CKLF: variants seen among roughly 807,000 people sequenced by gnomAD.
CKLF encodes the protein chemokine-like factor.
In CKLF, 16 loss-of-function variants were observed where a neutral mutation model predicts 12.9. That is an observed-to-expected ratio of 1.24 (90% confidence interval 0.84 to 1.88). CKLF has a LOEUF of 1.88. Ranked by LOEUF, CKLF falls within the 40% of genes most tolerant of loss-of-function variation. CKLF has a pLI of 0.00. For missense variants in CKLF, 172 were observed against 188.5 expected, an observed-to-expected ratio of 0.91 and a Z score of 0.51; for synonymous variants, 61 against 69.0, an observed-to-expected ratio of 0.88 and a Z score of 0.57.
intron 1 of CKLF, 104 bp downstream of exon 1, chr16:66,552,897 C>A: frequency 6.5e-7 from 1 of 1,542,718 alleles, no homozygotes; most frequent in Non-Finnish European, 8.9e-7. Context: ...TTCAACCTCG[C>A]TTTGATCAAG....
At chr16:66,558,476 T>C (rs2011537292) in intron 2 of CKLF, 128 bp downstream of exon 2, 7 of 1,319,580 alleles carry the variant, frequency 5.3e-6, no homozygotes, top group Non-Finnish European at 7.1e-6. Context: ...GGAGGAGCTC[T>C]ACCCATTGCT....
intron 2 of CKLF, 56 bp downstream of exon 2, chr16:66,558,404 C>A: frequency 6.4e-7 from 1 of 1,561,802 alleles, no homozygotes. Flanking sequence ...GTGAGATATT[C>A]TAATGAACTC....
At chr16:66,560,840 TTC>T (rs371017399) in intron 2 of CKLF, among the ~76,000 whole-genome samples, 1 of 130,190 alleles carries the variant, frequency 7.7e-6, no homozygotes. Context: ...CACACACACT[TTC>T]TCTCTCTCTC....
At position 66,552,665 on chromosome 16, in the gene CKLF, G is replaced by A. The variant is rs1267261338; in HGVS notation, c.-51G>A. 2 of 1,613,432 alleles carry A rather than the reference G, an allele frequency of 1.2e-6. No individual in the cohort carries two copies. Among genetic ancestry groups the A allele is most frequent in the African/African-American group, 1.3e-5 (1 of 74,948 alleles). On this transcript the variant is annotated 5_prime_UTR_variant, in exon 1 of 4. Transcript: ENST00000264001. Reference sequence around the variant, plus strand: ...TCGCTTCGCAGAACCTACTCAGGCAGCCAGCTGAGAAGAGTTGAGGGAAAG... The same window carrying A: ...TCGCTTCGCAGAACCTACTCAGGCAACCAGCTGAGAAGAGTTGAGGGAAAG...
intron 1 of CKLF, among the ~76,000 whole-genome samples, chr16:66,554,701 T>C (rs2011347702): frequency 1.3e-5 from 2 of 152,160 alleles, no homozygotes; most frequent in South Asian, 4.1e-4. Context: ...GCGTAATGAA[T>C]AGAATTCTAG....
intron 2 of CKLF, among the ~76,000 whole-genome samples, chr16:66,559,180 G>T (rs990302723): frequency 6.6e-6 from 1 of 152,062 alleles, no homozygotes; most frequent in Non-Finnish European, 1.5e-5. Flanking sequence ...TCATCCTCTT[G>T]GATGCCACAG....
intron 1 of CKLF, among the ~76,000 whole-genome samples, chr16:66,556,928 A>G (rs1354345849): frequency 6.6e-6 from 1 of 152,192 alleles, no homozygotes; most frequent in African/African-American, 2.4e-5. Flanking sequence ...AGAGCTTTGG[A>G]AAGAGCTTTA....
At chr16:66,560,796 T>TACACACAC (rs1372034123) in intron 2 of CKLF, among the ~76,000 whole-genome samples, 2 of 110,546 alleles carry the variant, frequency 1.8e-5, no homozygotes, top group South Asian at 6.2e-4. Flanking sequence ...GAAAGATAAG[T>TACACACAC]ATACACACAC....
Position 66,552,616 on chromosome 16 carries a change from G to C in CKLF, c.-100G>C, listed in dbSNP as rs900162798. 8.9e-6 allele frequency: 14 copies of C among 1,579,544 alleles called. No homozygotes were observed. Among genetic ancestry groups the C allele is most frequent in the Non-Finnish European group, 1.1e-5 (13 of 1,153,030 alleles). On this transcript the variant is annotated 5_prime_UTR_variant, in exon 1 of 4. Coordinates refer to ENST00000264001, the MANE Select transcript of CKLF (RefSeq NM_016951.4). ...TGGGCGAGAAGTAGGGGAGGGCGGT[G>C]CTCCGCCGCGGTGGCGGTTGCTATC...
Position 66,558,257 on chromosome 16 carries a change from C to T in CKLF, c.146C>T (p.Thr49Ile). ...GCCCCTGAACCATATATTGTTATCA[C>T]TGGATTTGAAGTCACCGTTATCTTA... ...AQAPEPYIVI[T>I]GFEVTVILFF... is the part of the protein sequence containing the mutation. The change falls in exon 2 of 4, where the codon ACT (threonine) becomes ATT (isoleucine). Residue 49 changes from threonine to isoleucine, a missense_variant. Transcript: ENST00000264001. The T allele has an allele frequency of 6.2e-7, 1 of 1,613,982 alleles. No individual in the cohort carries two copies. Among genetic ancestry groups the T allele is most frequent in the Non-Finnish European group, 8.5e-7 (1 of 1,179,996 alleles).
intron 2 of CKLF, among the ~76,000 whole-genome samples, chr16:66,562,376 A>G (rs1285870607): frequency 6.6e-6 from 1 of 152,198 alleles, no homozygotes; most frequent in East Asian, 1.9e-4. Context: ...AGTAACTTAA[A>G]GTTTGATATA....
At chr16:66,554,326 G>GA (rs979750205) in intron 1 of CKLF, among the ~76,000 whole-genome samples, 6 of 152,204 alleles carry the variant, frequency 3.9e-5, no homozygotes, top group African/African-American at 1.2e-4. Flanking sequence ...AGAGGTGTCA[G>GA]AAAAAAGCTC....
chr16:66,558,406 A>G (rs1190628437), intron 2 of CKLF, 58 bp downstream of exon 2: 7 of 1,563,064 alleles, frequency 4.5e-6, no homozygotes, highest in African/African-American at 1.4e-5. Context: ...GAGATATTCT[A>G]ATGAACTCTG....
intron 2 of CKLF, 89 bp from the exon 3 acceptor site, chr16:66,563,032 TG>T (rs2144552928): frequency 1.2e-5 from 18 of 1,487,476 alleles, no homozygotes; most frequent in Middle Eastern, 1.8e-4. Flanking sequence ...CTTTGTTTTT[TG>T]TTGTTGTTGT....
At chr16:66,562,414 CGTT>C (rs2011796344) in intron 2 of CKLF, among the ~76,000 whole-genome samples, 1 of 152,122 alleles carries the variant, frequency 6.6e-6, no homozygotes, top group Admixed American at 6.5e-5. Context: ...CATTTTCTTA[CGTT>C]ATTAAAAATG....
At chr16:66,559,339 T>C (rs1037567540) in intron 2 of CKLF, among the ~76,000 whole-genome samples, 4 of 152,198 alleles carry the variant, frequency 2.6e-5, no homozygotes, top group African/African-American at 7.2e-5. Context: ...TTTTTAAAAG[T>C]CCTAAAAGGG....
At chr16:66,560,881 T>C (rs969673704) in intron 2 of CKLF, among the ~76,000 whole-genome samples, 4 of 151,198 alleles carry the variant, frequency 2.6e-5, no homozygotes, top group African/African-American at 9.7e-5. Context: ...TCCAGAGGAG[T>C]TTGCCTCCAG....
Position 66,563,107 on chromosome 16 carries a change from A to T in CKLF, c.238-15A>T. 6.2e-7 allele frequency: 1 copy of T among 1,613,544 alleles called. No homozygotes were observed. Among genetic ancestry groups the T allele is most frequent in the Non-Finnish European group, 8.5e-7 (1 of 1,179,830 alleles). On this transcript the variant is annotated splice_polypyrimidine_tract_variant and intron_variant, in intron 2 of 3. Transcript: ENST00000264001. ...TAGTCTTCATGTAAGGCTCAGCTTT[A>T]TTGTGTGTTTTTAGGATATTATCAA...
chr16:66,558,047 A>G (rs2144532112), intron 1 of CKLF, 143 bp from the exon 2 acceptor site: 2 of 1,241,874 alleles, frequency 1.6e-6, no homozygotes, highest in East Asian at 4.8e-5. Flanking sequence ...GCTTCAAGCG[A>G]TCCTCCTACC....
Sources: allele counts gnomAD v4.1 joint callset (sites outside exome capture counted in the v4.1 genomes callset), GRCh38; gene constraint gnomAD v4.1.1; transcripts MANE v1.5; gene names NCBI Gene and HGNC (gene_info 2026-07-23, HGNC 2026-07-21).